CD53: variants seen among roughly 807,000 people sequenced by gnomAD.
CD53 encodes CD53 molecule, also known as leukocyte surface antigen CD53.
In CD53, 20 loss-of-function variants were observed where a neutral mutation model predicts 27.3. The observed-to-expected ratio is 0.73, with a 90% CI of 0.52 to 1.07. CD53 has a LOEUF of 1.07. Among genes scored for constraint, CD53 ranks in the 50% least tolerant of loss-of-function variants. The probability of loss-of-function intolerance (pLI) is 0.00; values close to 1 mark genes in which losing one functional copy is unlikely to be tolerated. For synonymous variants in CD53, 106 were observed against 105.3 expected (o/e 1.01, Z -0.04); for missense variants, 216 against 264.0 (o/e 0.82, Z 1.26).
Position 110,873,165 on chromosome 1 carries a change from T to G in CD53, c.-101T>G, listed in dbSNP as rs1179851434. 1 of 152,598 alleles carries G rather than the reference T, an allele frequency of 6.6e-6. No homozygotes were observed. The highest frequency in any genetic ancestry group is 1.5e-5 in the Non-Finnish European group (1 of 68,038). The allele number at this position is 152,598 out of a possible 1,614,324, so 9.5% of individuals were successfully genotyped here. A position where few individuals can be genotyped will look rare whatever the true frequency, so the allele number is the denominator to read the frequency against. On this transcript the variant is annotated 5_prime_UTR_variant, in exon 1 of 8. Coordinates refer to ENST00000271324, the MANE Select transcript of CD53 (RefSeq NM_000560.4). ...CCTTTTACACAAATAGCCCCGGATA[T>G]CTGTGTTACCAGCCTTGTCTCGGCC... is the stretch of plus-strand genomic sequence containing the variant.
At chr1:110,871,432 G>C (rs1183873087), upstream of CD53, among the ~76,000 whole-genome samples, 1 of 152,102 alleles carries the variant, frequency 6.6e-6, no homozygotes. Flanking sequence ...TGGCTGAAAG[G>C]CCAGTCAGGC....
intron 1 of CD53, chr1:110,880,157 A>G (rs981705583): frequency 6.6e-6 from 1 of 152,200 alleles, no homozygotes; most frequent in East Asian, 1.9e-4. Context: ...TGAGTCATGC[A>G]TCTAAGAGTC....
chr1:110,888,214 C>T (rs1364544671), intron 1 of CD53, among the ~76,000 whole-genome samples: 3 of 152,166 alleles, frequency 2.0e-5, no homozygotes, highest in South Asian at 2.1e-4. Flanking sequence ...AATAAATTTG[C>T]GTTGCTAAGG....
At chr1:110,886,870 T>TATATATATATA (rs1491267172) in intron 1 of CD53, among the ~76,000 whole-genome samples, 1,291 of 35,302 alleles carry the variant, frequency 0.037, 5 homozygotes, top group Non-Finnish European at 0.058. Context: ...TATATATATA[T>TATATATATATA]TTTTTTTTTC....
At chr1:110,884,761 C>G (rs996713319) in intron 1 of CD53, among the ~76,000 whole-genome samples, 3 of 152,034 alleles carry the variant, frequency 2.0e-5, no homozygotes, top group African/African-American at 7.2e-5. Context: ...GACACTCCAG[C>G]CTTTTTTTCC....
chr1:110,897,608 T>C (rs919601401), intron 6 of CD53: 9 of 474,058 alleles, frequency 1.9e-5, no homozygotes, highest in African/African-American at 1.8e-4. Flanking sequence ...ACTGTAATGA[T>C]AACACCACCA....
chr1:110,891,586 C>A (rs1444663449), intron 2 of CD53, 115 bp downstream of exon 2: 7 of 759,932 alleles, frequency 9.2e-6, no homozygotes, highest in African/African-American at 5.2e-5. Flanking sequence ...TGGGTCATGT[C>A]CAGCACAACC....
intron 1 of CD53, among the ~76,000 whole-genome samples, chr1:110,879,440 ATGT>A (rs1656262521): frequency 6.6e-6 from 1 of 152,242 alleles, no homozygotes. Flanking sequence ...ACAGAATACT[ATGT>A]TATTTGACCT....
intron 1 of CD53, among the ~76,000 whole-genome samples, chr1:110,888,594 A>G (rs770164052): frequency 5.3e-5 from 8 of 152,346 alleles, no homozygotes; most frequent in Middle Eastern, 3.4e-3. Flanking sequence ...CATTGGCCAG[A>G]GGCACATTTC....
chr1:110,885,436 G>A (rs1656540462), intron 1 of CD53, among the ~76,000 whole-genome samples: 1 of 152,198 alleles, frequency 6.6e-6, no homozygotes, highest in Non-Finnish European at 1.5e-5. Context: ...CACTCGGGAG[G>A]CTGAGGCAGG....
At chr1:110,880,105 G>A (rs954203312) in intron 1 of CD53, 1 of 152,234 alleles carries the variant, frequency 6.6e-6, no homozygotes, top group African/African-American at 2.4e-5. Flanking sequence ...GGTCACGCAG[G>A]TTTCCTGGAA....
At chr1:110,896,992 A>G (rs1657094303) in intron 6 of CD53, among the ~76,000 whole-genome samples, 1 of 152,218 alleles carries the variant, frequency 6.6e-6, no homozygotes, top group South Asian at 2.1e-4. Context: ...TTTTGTGTGA[A>G]AGTAGGAGAG....
At chr1:110,879,093 G>T (rs1189076883) in intron 1 of CD53, among the ~76,000 whole-genome samples, 1 of 151,828 alleles carries the variant, frequency 6.6e-6, no homozygotes, top group African/African-American at 2.4e-5. Context: ...AACAAGCAAG[G>T]GATTATTCTT....
chr1:110,894,091 C>G (rs557746648), intron 3 of CD53, among the ~76,000 whole-genome samples: 1 of 152,278 alleles, frequency 6.6e-6, no homozygotes, highest in Admixed American at 6.5e-5. Context: ...ATGTAGTGCT[C>G]TGATAGGCAC....
chr1:110,887,436 G>A (rs1019512429), intron 1 of CD53, among the ~76,000 whole-genome samples: 4 of 152,032 alleles, frequency 2.6e-5, no homozygotes, highest in African/African-American at 4.8e-5. Flanking sequence ...TTCATCTATC[G>A]CCATATTATA....
rs557233599 is a variant in CD53 at position 110,882,181 on chromosome 1, A to AC, written c.-18+8935dup. Among the ~76,000 whole-genome samples, 170 of 152,212 alleles carry AC rather than the reference A, an allele frequency of 1.1e-3. 2 individuals carry two copies. The highest frequency in any genetic ancestry group is 1.7e-3 in the East Asian group (9 of 5,180). ...GTCTTATCTGAGAACTCTTTGCATA[A>AC]CCAAGGTTGCAAATATTTCCTTCTG... On this transcript the variant is annotated intron_variant, in intron 1 of 7. Transcript: ENST00000271324.
At chr1:110,894,429 T>C in intron 4 of CD53, 28 bp downstream of exon 4, 1 of 1,548,908 alleles carries the variant, frequency 6.5e-7, no homozygotes, top group African/African-American at 1.4e-5. Flanking sequence ...CAACTTATTG[T>C]CTTAATACTG....
At chr1:110,894,842 G>A (rs1232632455) in intron 4 of CD53, 118 bp from the exon 5 acceptor site, 20 of 750,626 alleles carry the variant, frequency 2.7e-5, no homozygotes, top group Non-Finnish European at 4.8e-5. Flanking sequence ...CCTTAGTTCT[G>A]AGGAGACCAT....
chr1:110,886,771 G>A (rs1656620437), intron 1 of CD53, among the ~76,000 whole-genome samples: 1 of 150,844 alleles, frequency 6.6e-6, no homozygotes, highest in Non-Finnish European at 1.5e-5. Context: ...CTTGAATCCA[G>A]GAGGTGGAGG....
Sources: gnomAD v4.1 joint callset for allele counts (sites outside exome capture counted in the v4.1 genomes callset) on GRCh38, gnomAD v4.1.1 for gene constraint, MANE v1.5 for transcripts, NCBI Gene and HGNC (gene_info 2026-07-23, HGNC 2026-07-21) for gene names.